LIN54: variants seen among roughly 807,000 people sequenced by gnomAD.
LIN54 encodes protein lin-54 homolog.
A neutral mutation model predicts 78.7 loss-of-function variants in LIN54; 9 were observed. The ratio of observed to expected loss-of-function variants is 0.11; its 90% confidence interval spans 0.07 to 0.20. The LOEUF (loss-of-function observed/expected upper bound fraction) is 0.20. LIN54 is among the 10% of genes least tolerant of loss of function. The pLI is 1.00. For missense variants in LIN54, 573 were observed against 889.9 expected (o/e 0.64, Z 4.53); for synonymous variants, 269 against 318.4 (o/e 0.84, Z 1.65).
chr4:82,950,649 A>C (rs558269730), intron 4 of LIN54, among the ~76,000 whole-genome samples: 1 of 152,376 alleles, frequency 6.6e-6, no homozygotes, highest in South Asian at 2.1e-4. Context: ...ATCTTAATTT[A>C]GATTCAAAAT....
chr4:82,999,404 G>A (rs1267572595), intron 1 of LIN54, among the ~76,000 whole-genome samples: 2 of 152,158 alleles, frequency 1.3e-5, no homozygotes, highest in Non-Finnish European at 2.9e-5. Context: ...CATCACTGCA[G>A]TTACACCAGC....
chr4:82,982,377 C>A (rs565578982), intron 2 of LIN54, among the ~76,000 whole-genome samples: 1 of 152,048 alleles, frequency 6.6e-6, no homozygotes, highest in East Asian at 1.9e-4. Context: ...CGCAAGTGTG[C>A]GCCACCATGC....
chr4:82,975,040 T>G (rs1379379318), intron 3 of LIN54, among the ~76,000 whole-genome samples: 1 of 152,094 alleles, frequency 6.6e-6, no homozygotes, highest in African/African-American at 2.4e-5. Context: ...ATGTACTTAA[T>G]GCCAATGAAC....
intron 5 of LIN54, among the ~76,000 whole-genome samples, chr4:82,941,143 T>C (rs1209231607): frequency 1.3e-5 from 1 of 79,422 alleles, no homozygotes; most frequent in Non-Finnish European, 2.5e-5. Flanking sequence ...CTGTGGGAGT[T>C]AAGAGGATAT....
At chr4:82,991,839 GTCTTA>G (rs1160451909) in intron 1 of LIN54, among the ~76,000 whole-genome samples, 2 of 151,906 alleles carry the variant, frequency 1.3e-5, no homozygotes, top group Non-Finnish European at 2.9e-5. Context: ...ACTTGATCAT[GTCTTA>G]TAATTTGTAT....
chr4:82,966,824 G>A (rs1725241345), intron 4 of LIN54, among the ~76,000 whole-genome samples: 2 of 152,072 alleles, frequency 1.3e-5, no homozygotes, highest in South Asian at 4.1e-4. Flanking sequence ...TAGCCAGGCT[G>A]GTCTCGAACT....
chr4:83,012,053 AG>A (rs1729884086), upstream of LIN54: 2 of 985,334 alleles, frequency 2.0e-6, no homozygotes, highest in Middle Eastern at 5.2e-4. Context: ...AAAAGTCGGT[AG>A]ATTCAGCCTT....
At chr4:82,968,356 T>TG (rs1341950250) in intron 4 of LIN54, among the ~76,000 whole-genome samples, 1 of 152,024 alleles carries the variant, frequency 6.6e-6, no homozygotes, top group Non-Finnish European at 1.5e-5. Flanking sequence ...AAGTCAAGGA[T>TG]GGGAAAAAAA....
Position 82,946,245 on chromosome 4 carries a change from A to G in LIN54, c.1168+13T>C. 1 of 1,597,086 alleles carries G rather than the reference A, an allele frequency of 6.3e-7. No individual in the cohort carries two copies. The highest frequency in any genetic ancestry group is 1.1e-5 in the South Asian group (1 of 90,676). ...AAAGCATGAATTACTGTTTTTAAAAAATGGTTACTAACCTTGCTGAAGAGG... is the reference window on the plus strand; with the variant it reads ...AAAGCATGAATTACTGTTTTTAAAAGATGGTTACTAACCTTGCTGAAGAGG... On this transcript the variant is annotated intron_variant, in intron 5 of 12. Coordinates refer to ENST00000340417, the MANE Select transcript of LIN54 (RefSeq NM_194282.4).
chr4:82,990,698 T>C (rs1727611867), intron 1 of LIN54, among the ~76,000 whole-genome samples: 1 of 152,048 alleles, frequency 6.6e-6, no homozygotes, highest in Non-Finnish European at 1.5e-5. Flanking sequence ...TTAGCCAGGA[T>C]GGTCTCGATC....
intron 3 of LIN54, among the ~76,000 whole-genome samples, chr4:82,974,337 T>C (rs561971018): frequency 1.4e-4 from 21 of 151,944 alleles, no homozygotes; most frequent in Non-Finnish European, 2.8e-4. Flanking sequence ...AGTACATACA[T>C]AAATACATTG....
chr4:82,947,227 A>ATTTTTTTT (rs1425401118), intron 4 of LIN54, among the ~76,000 whole-genome samples: 2 of 22,890 alleles, frequency 8.7e-5, no homozygotes, highest in African/African-American at 3.1e-4. Context: ...ATATATATAT[A>ATTTTTTTT]TATATATATT....
At chr4:82,939,512 T>A (rs780269459) in intron 7 of LIN54, 27 bp downstream of exon 7, 1 of 1,582,916 alleles carries the variant, frequency 6.3e-7, no homozygotes, top group South Asian at 1.1e-5. Context: ...ACTTTTGCAA[T>A]ACAATGACTT....
At chr4:82,992,887 G>A (rs1185696433) in intron 1 of LIN54, among the ~76,000 whole-genome samples, 1 of 151,772 alleles carries the variant, frequency 6.6e-6, no homozygotes, top group Non-Finnish European at 1.5e-5. Context: ...AATTAGCCGG[G>A]CATGGTAGCA....
intron 1 of LIN54, among the ~76,000 whole-genome samples, chr4:82,995,492 T>C (rs994185646): frequency 0.018 from 361 of 20,616 alleles, no homozygotes; most frequent in Non-Finnish European, 0.056. Flanking sequence ...CTTATCTCTT[T>C]TTTTTTTTTT....
intron 1 of LIN54, among the ~76,000 whole-genome samples, chr4:82,991,222 A>G (rs1218320252): frequency 1.5e-4 from 23 of 151,128 alleles, no homozygotes; most frequent in Admixed American, 5.9e-4. Context: ...TATTTATGTT[A>G]GCAATGTTGT....
At chr4:83,006,116 A>AACTGGGGACT (rs138387938) in intron 1 of LIN54, among the ~76,000 whole-genome samples, 64,976 of 151,378 alleles carry the variant, frequency 0.43, 16,756 homozygotes, top group Admixed American at 0.58. Context: ...CAACAATGGA[A>AACTGGGGACT]ACTGGGGACT....
At chr4:82,963,974 A>T (rs1354682595) in intron 4 of LIN54, among the ~76,000 whole-genome samples, 1 of 152,114 alleles carries the variant, frequency 6.6e-6, no homozygotes, top group African/African-American at 2.4e-5. Context: ...TTAATTTTTT[A>T]TGTATATAAT....
At chr4:82,948,478 A>G (rs1019195158) in intron 4 of LIN54, among the ~76,000 whole-genome samples, 42 of 152,224 alleles carry the variant, frequency 2.8e-4, no homozygotes, top group African/African-American at 1.0e-3. Flanking sequence ...TATAGCCAAT[A>G]TACATAAATG....
Sources: allele counts gnomAD v4.1 joint callset (sites outside exome capture counted in the v4.1 genomes callset), GRCh38; gene constraint gnomAD v4.1.1; transcripts MANE v1.5; gene names NCBI Gene and HGNC (gene_info 2026-07-23, HGNC 2026-07-21).